Variants in LGSN observed in about 807,000 individuals in gnomAD.
The protein encoded by LGSN is lengsin, lens protein with glutamine synthetase domain.
In LGSN, 21 loss-of-function variants were observed where a neutral mutation model predicts 19.5. The observed-to-expected ratio is 1.07, with a 90% confidence interval of 0.76 to 1.55. The LOEUF is 1.55. Ranked by LOEUF, LGSN falls within the 40% of genes most tolerant of loss-of-function variation. The probability of loss-of-function intolerance (pLI) is 0.00; values close to 1 mark genes in which losing one functional copy is unlikely to be tolerated. For synonymous variants in LGSN, 257 were observed against 215.6 expected, an observed-to-expected ratio of 1.19 and a Z score of -1.68; for missense variants, 673 against 608.5, an observed-to-expected ratio of 1.11 and a Z score of -1.12.
the LGSN span, among the ~76,000 whole-genome samples, chr6:63,391,762 A>G: frequency 5.9e-5 from 9 of 152,212 alleles, no homozygotes; most frequent in Non-Finnish European, 1.0e-4. Flanking sequence ...TCAAAGGTTA[A>G]TCCTTGAACT....
At chr6:63,327,624 T>A in the LGSN span, among the ~76,000 whole-genome samples, 1 of 152,210 alleles carries the variant, frequency 6.6e-6, no homozygotes, top group Admixed American at 6.5e-5. Flanking sequence ...GCAAACTGTC[T>A]GAGAGGCAGA....
the LGSN span, among the ~76,000 whole-genome samples, chr6:63,527,512 T>A: frequency 6.6e-6 from 1 of 152,164 alleles, no homozygotes; most frequent in Non-Finnish European, 1.5e-5. Context: ...ATAAATAATA[T>A]CTAATGTGCT....
chr6:63,530,423 T>C, the LGSN span, among the ~76,000 whole-genome samples: 103 of 152,216 alleles, frequency 6.8e-4, no homozygotes, highest in African/African-American at 2.4e-3. Context: ...AAATCTGTAG[T>C]TGGGATGGTA....
At chr6:63,392,840 T>G in the LGSN span, among the ~76,000 whole-genome samples, 1 of 151,940 alleles carries the variant, frequency 6.6e-6, no homozygotes, top group South Asian at 2.1e-4. Context: ...GATTGGCAGT[T>G]GTGCCAATCA....
chr6:63,412,923 G>A, the LGSN span, among the ~76,000 whole-genome samples: 1 of 150,434 alleles, frequency 6.6e-6, no homozygotes, highest in Non-Finnish European at 1.5e-5. Flanking sequence ...AGGAAGAAAG[G>A]AAGGAAGGAA....
the LGSN span, among the ~76,000 whole-genome samples, chr6:63,414,196 G>A: frequency 2.6e-5 from 4 of 151,848 alleles, no homozygotes; most frequent in African/African-American, 9.7e-5. Context: ...TGGGCTGCTG[G>A]GTATAAACTA....
At chr6:63,559,854 T>C in the LGSN span, among the ~76,000 whole-genome samples, 1 of 152,170 alleles carries the variant, frequency 6.6e-6, no homozygotes, top group African/African-American at 2.4e-5. Flanking sequence ...TTCGAACTCC[T>C]GGGCTCAAAC....
chr6:63,410,577 A>G, the LGSN span, among the ~76,000 whole-genome samples: 1 of 152,292 alleles, frequency 6.6e-6, no homozygotes, highest in East Asian at 1.9e-4. Flanking sequence ...CAAGGCTAAC[A>G]CAATTTGGGC....
At chr6:63,473,472 T>TAAA in the LGSN span, among the ~76,000 whole-genome samples, 68 of 59,376 alleles carry the variant, frequency 1.1e-3, 1 homozygote, top group African/African-American at 4.2e-3. Context: ...ACACTCTGTC[T>TAAA]AAAAAAAAAA....
the LGSN span, among the ~76,000 whole-genome samples, chr6:63,520,400 G>A: frequency 6.6e-6 from 1 of 152,162 alleles, no homozygotes; most frequent in Non-Finnish European, 1.5e-5. Flanking sequence ...ACTGAGGCGG[G>A]CGGATCACTT....
upstream of LGSN, among the ~76,000 whole-genome samples, chr6:63,323,559 TAC>T (rs58400159): frequency 0.12 from 15,416 of 132,586 alleles, 1,111 homozygotes; most frequent in African/African-American, 0.22. Flanking sequence ...AAACCTCATA[TAC>T]ACACACACAC....
chr6:63,323,557 TATACACACACAC>T (rs1769141202), upstream of LGSN, among the ~76,000 whole-genome samples: 3 of 96,252 alleles, frequency 3.1e-5, no homozygotes, highest in Non-Finnish European at 4.1e-5. Context: ...CAAAACCTCA[TATACACACACAC>T]ACACACACAC....
At chr6:63,392,677 G>A in the LGSN span, 1 of 152,078 alleles carries the variant, frequency 6.6e-6, no homozygotes, top group Non-Finnish European at 1.5e-5. Context: ...AATAGGGGCT[G>A]GGTAAAATTG....
the LGSN span, among the ~76,000 whole-genome samples, chr6:63,351,592 G>A: frequency 6.6e-6 from 1 of 152,074 alleles, no homozygotes; most frequent in Admixed American, 6.6e-5. Context: ...AAGCAGCTGG[G>A]ATTACAGGTG....
the LGSN span, among the ~76,000 whole-genome samples, chr6:63,470,337 G>A: frequency 6.6e-6 from 1 of 151,952 alleles, no homozygotes; most frequent in African/African-American, 2.4e-5. Flanking sequence ...AGCTTGGCAT[G>A]GTTATGTGCA....
At chr6:63,333,827 G>A in the LGSN span, among the ~76,000 whole-genome samples, 8,348 of 152,166 alleles carry the variant, frequency 0.055, 313 homozygotes, top group Non-Finnish European at 0.084. Context: ...TTCAACATAG[G>A]CATATCAATG....
At chr6:63,383,057 C>T in the LGSN span, among the ~76,000 whole-genome samples, 7 of 152,132 alleles carry the variant, frequency 4.6e-5, no homozygotes, top group Non-Finnish European at 7.3e-5. Flanking sequence ...CTTAACCTTT[C>T]CTGCTTTTGT....
At chr6:63,371,802 G>A in the LGSN span, among the ~76,000 whole-genome samples, 1 of 152,166 alleles carries the variant, frequency 6.6e-6, no homozygotes, top group Non-Finnish European at 1.5e-5. Flanking sequence ...AATTTCTCAG[G>A]TGTGGGCTAA....
intron 1 of LGSN, among the ~76,000 whole-genome samples, chr6:63,304,469 G>A (rs1768303241): frequency 6.6e-6 from 1 of 152,222 alleles, no homozygotes; most frequent in Non-Finnish European, 1.5e-5. Context: ...AGGCTGAACA[G>A]GGAGAAATCT....
Sources: gnomAD v4.1 joint callset for allele counts (sites outside exome capture counted in the v4.1 genomes callset) on GRCh38, gnomAD v4.1.1 for gene constraint, MANE v1.5 for transcripts, NCBI Gene and HGNC (gene_info 2026-07-23, HGNC 2026-07-21) for gene names.